Variants in IGF2BP2 observed in about 807,000 individuals in gnomAD.
IGF2BP2 encodes the protein insulin-like growth factor 2 mRNA-binding protein 2.
Under a neutral mutation model 75.8 loss-of-function variants are expected in IGF2BP2, and 17 were observed. That is an observed-to-expected ratio of 0.22 (90% confidence interval 0.15 to 0.34). IGF2BP2 has a LOEUF of 0.34. Among genes scored for constraint, IGF2BP2 ranks in the 10% least tolerant of loss-of-function variants. The pLI, the probability that IGF2BP2 is intolerant of heterozygous loss-of-function variation, is 1.00. For missense variants in IGF2BP2, 516 were observed against 772.4 expected (o/e 0.67, Z 3.93); for synonymous variants, 288 against 295.6 (o/e 0.97, Z 0.26).
chr3:185,675,951 G>A (rs112563525), intron 7 of IGF2BP2, 38 bp from the exon 8 acceptor site: 104 of 1,597,126 alleles, frequency 6.5e-5, no homozygotes, highest in Non-Finnish European at 8.0e-5. Context: ...CTTCAGATAC[G>A]TATAACGGTT....
At chr3:185,699,990 T>C (rs1723073940) in intron 2 of IGF2BP2, among the ~76,000 whole-genome samples, 1 of 152,176 alleles carries the variant, frequency 6.6e-6, no homozygotes, top group Non-Finnish European at 1.5e-5. Flanking sequence ...AAATAAAGCA[T>C]TTAAATGTTA....
chr3:185,752,141 G>A (rs916637468), intron 2 of IGF2BP2, among the ~76,000 whole-genome samples: 1 of 152,042 alleles, frequency 6.6e-6, no homozygotes, highest in Non-Finnish European at 1.5e-5. Flanking sequence ...AGGGTTTCAT[G>A]GCATAGGTGG....
At chr3:185,763,154 T>A (rs1031450826) in intron 2 of IGF2BP2, among the ~76,000 whole-genome samples, 14 of 152,230 alleles carry the variant, frequency 9.2e-5, no homozygotes, top group African/African-American at 2.9e-4. Context: ...GTATTTTTTT[T>A]AAAAAAACTT....
chr3:185,715,448 G>A (rs547215775), intron 2 of IGF2BP2, among the ~76,000 whole-genome samples: 1 of 152,280 alleles, frequency 6.6e-6, no homozygotes, highest in South Asian at 2.1e-4. Flanking sequence ...AACACCGGGA[G>A]GCAGGTAAGC....
chr3:185,667,452 A>G (rs1410236557), intron 10 of IGF2BP2, among the ~76,000 whole-genome samples: 1 of 152,134 alleles, frequency 6.6e-6, no homozygotes, highest in Non-Finnish European at 1.5e-5. Flanking sequence ...CAGCTACTGC[A>G]CTCCAGCCTG....
intron 6 of IGF2BP2, among the ~76,000 whole-genome samples, chr3:185,687,511 A>G (rs1721311060): frequency 6.6e-6 from 1 of 152,260 alleles, no homozygotes; most frequent in Admixed American, 6.5e-5. Context: ...AAATGACTGC[A>G]GAAGTGAAGA....
rs1713875831 is a variant in IGF2BP2, at chr3:185,647,947, C to T, written c.1594-809G>A. ...GTTCTGAAATAGCTAAACAGGACAC[C>T]CAGGGGCTCAGGATTCTACTCCCTG... On this transcript the variant is annotated intron_variant, in intron 14 of 15. Transcript: ENST00000382199. The surrounding 1 kb of genome is among the most constrained non-coding windows in gnomAD (Gnocchi z 4.9). Among the ~76,000 whole-genome samples, 1 of 152,202 alleles carries T rather than the reference C, an allele frequency of 6.6e-6. No homozygotes were observed. Among genetic ancestry groups the T allele is most frequent in the Non-Finnish European group, 1.5e-5 (1 of 68,034 alleles).
At chr3:185,810,336 T>C (rs1191604788) in intron 2 of IGF2BP2, among the ~76,000 whole-genome samples, 1 of 152,224 alleles carries the variant, frequency 6.6e-6, no homozygotes, top group Non-Finnish European at 1.5e-5. Context: ...CCATATGGCC[T>C]TCAATTTCCT....
Position 185,672,430 on chromosome 3 carries a change from C to T in IGF2BP2, c.1200+111G>A, listed in dbSNP as rs191985174. ...AACCTACATTGGATTCATCTCTACT[C>T]GAGCATGGCCTTTAAATGAAAGCTT... On this transcript the variant is annotated intron_variant, in intron 10 of 15. Coordinates refer to ENST00000382199, the MANE Select transcript of IGF2BP2 (RefSeq NM_006548.6). The T allele has an allele frequency of 2.9e-5, 33 of 1,123,744 alleles. 1 individual carries two copies. In the South Asian group the frequency reaches 3.1e-4, roughly 11 times the overall value. 69.6% of individuals were successfully genotyped at this position (1,123,744 alleles called of 1,614,324 possible). A position where few individuals can be genotyped will look rare whatever the true frequency, so the allele number is the denominator to read the frequency against.
intron 15 of IGF2BP2, among the ~76,000 whole-genome samples, chr3:185,646,644 A>T (rs1370911100): frequency 6.6e-6 from 1 of 152,158 alleles, no homozygotes; most frequent in East Asian, 1.9e-4. Flanking sequence ...GCTTTCAGGG[A>T]GGAATCCAGA....
At chr3:185,818,395 A>G (rs182384734) in intron 2 of IGF2BP2, among the ~76,000 whole-genome samples, 32 of 152,294 alleles carry the variant, frequency 2.1e-4, no homozygotes, top group African/African-American at 7.7e-4. Flanking sequence ...TTAACCACCT[A>G]CAAGAGTTAT....
chr3:185,787,213 G>A (rs903434232), intron 2 of IGF2BP2, among the ~76,000 whole-genome samples: 1 of 152,138 alleles, frequency 6.6e-6, no homozygotes, highest in South Asian at 2.1e-4. Flanking sequence ...ATAGATAGTG[G>A]CGATGGCTGC....
chr3:185,661,114 G>A (rs1716360685), intron 10 of IGF2BP2, among the ~76,000 whole-genome samples: 1 of 152,160 alleles, frequency 6.6e-6, no homozygotes, highest in Non-Finnish European at 1.5e-5. Context: ...ATTGTCACAG[G>A]GAAAGAATCT....
chr3:185,823,114 G>C (rs752201562), intron 2 of IGF2BP2, 39 bp downstream of exon 2: 41 of 1,408,084 alleles, frequency 2.9e-5, no homozygotes, highest in Non-Finnish European at 3.9e-5. Flanking sequence ...TTATACGTAA[G>C]GCCAATCGCA....
intron 2 of IGF2BP2, among the ~76,000 whole-genome samples, chr3:185,761,799 A>C (rs1269026719): frequency 6.6e-6 from 1 of 152,246 alleles, no homozygotes; most frequent in Non-Finnish European, 1.5e-5. Flanking sequence ...TAGGATTTAA[A>C]CACCACTGCA....
intron 4 of IGF2BP2, among the ~76,000 whole-genome samples, chr3:185,694,276 T>C (rs896908837): frequency 3.3e-5 from 5 of 152,216 alleles, no homozygotes; most frequent in Non-Finnish European, 5.9e-5. Flanking sequence ...AAAGGTTTCA[T>C]ATTTGCTGCT....
At chr3:185,676,732 GTA>G (rs1396900593) in intron 7 of IGF2BP2, among the ~76,000 whole-genome samples, 99 of 129,272 alleles carry the variant, frequency 7.7e-4, no homozygotes, top group African/African-American at 2.5e-3. Context: ...ATATGGAGAT[GTA>G]TATATATATA....
At chr3:185,778,584 C>T (rs1734819914) in intron 2 of IGF2BP2, among the ~76,000 whole-genome samples, 1 of 152,200 alleles carries the variant, frequency 6.6e-6, no homozygotes, top group Non-Finnish European at 1.5e-5. Context: ...TGCAAGTACT[C>T]TACAGCTAGT....
chr3:185,702,218 G>T (rs912642184), intron 2 of IGF2BP2, among the ~76,000 whole-genome samples: 1 of 152,126 alleles, frequency 6.6e-6, no homozygotes, highest in South Asian at 2.1e-4. Context: ...GGGCTGAGAA[G>T]AGCACTCCTG....
Sources: gnomAD v4.1 joint callset for allele counts (sites outside exome capture counted in the v4.1 genomes callset) on GRCh38, gnomAD v4.1.1 for gene constraint, Gnocchi (gnomAD v3.1) non-coding constraint, MANE v1.5 for transcripts, NCBI Gene and HGNC (gene_info 2026-07-23, HGNC 2026-07-21) for gene names.